IQCM: variants seen among roughly 807,000 people sequenced by gnomAD.
IQCM encodes the protein IQ motif containing M.
IQCM carries 45 observed loss-of-function variants against 57.6 expected under a neutral mutation model. That is an observed-to-expected ratio of 0.78 (90% CI 0.62 to 1.00). IQCM has a LOEUF of 1.00. IQCM is among the 50% of genes least tolerant of loss of function. The pLI, the probability that IQCM is intolerant of heterozygous loss-of-function variation, is 0.00. For synonymous variants in IQCM, 148 were observed against 158.9 expected (o/e 0.93, Z 0.51); for missense variants, 468 against 511.6 (o/e 0.91, Z 0.82).
In IQCM at chr4:149,746,617, T is replaced by A. The variant is rs147912208; in HGVS notation, c.-48-3878A>T. 2.0e-5 allele frequency among the ~76,000 whole-genome samples: 3 copies of A among 152,330 alleles called. No individual in the cohort carries two copies. The East Asian group carries it at 5.8e-4, about 29-fold the overall frequency. ...GAGTATATATGGGTGATAAGCATAG[T>A]ACTGCCATTCCACAACTCCACACAG... is the stretch of plus-strand genomic sequence containing the variant. On this transcript the variant is annotated intron_variant, in intron 2 of 13. Coordinates refer to ENST00000636793, the MANE Select transcript of IQCM (RefSeq NM_001363507.2).
chr4:149,592,065 C>T (rs1273643030), intron 8 of IQCM, among the ~76,000 whole-genome samples: 3 of 152,262 alleles, frequency 2.0e-5, no homozygotes, highest in African/African-American at 4.8e-5. Flanking sequence ...GTTTACAGTC[C>T]CACCAACAGT....
intron 2 of IQCM, among the ~76,000 whole-genome samples, chr4:149,761,689 C>G (rs1180246548): frequency 1.3e-5 from 2 of 152,068 alleles, no homozygotes; most frequent in Non-Finnish European, 2.9e-5. Flanking sequence ...TAATATCCCT[C>G]ATAGTTCCTA....
chr4:149,476,223 CA>C (rs1740171914), intron 12 of IQCM, among the ~76,000 whole-genome samples: 1 of 152,046 alleles, frequency 6.6e-6, no homozygotes, highest in South Asian at 2.1e-4. Flanking sequence ...AAGAGAAAGG[CA>C]GGGCACTGGA....
intron 12 of IQCM, among the ~76,000 whole-genome samples, chr4:149,482,001 G>A (rs1001110214): frequency 6.6e-6 from 1 of 151,088 alleles, no homozygotes; most frequent in African/African-American, 2.4e-5. Flanking sequence ...TTACTTCTCT[G>A]GTTAAATTAA....
intron 7 of IQCM, among the ~76,000 whole-genome samples, chr4:149,669,350 G>C (rs971494976): frequency 1.3e-5 from 2 of 152,062 alleles, no homozygotes; most frequent in African/African-American, 4.8e-5. Context: ...AAATTTGTTT[G>C]AGTTCTTTGT....
chr4:149,417,048 A>C (rs1276117708), intron 13 of IQCM, among the ~76,000 whole-genome samples: 2 of 152,164 alleles, frequency 1.3e-5, no homozygotes, highest in Non-Finnish European at 2.9e-5. Context: ...TAAGACTCTC[A>C]TATGGTTTCC....
At chr4:149,510,457 A>AT (rs1744290445) in intron 12 of IQCM, among the ~76,000 whole-genome samples, 1 of 152,136 alleles carries the variant, frequency 6.6e-6, no homozygotes, top group African/African-American at 2.4e-5. Context: ...TACAATAAAC[A>AT]TTTTTTATTT....
chr4:149,788,244 G>A (rs1189467965), intron 2 of IQCM, among the ~76,000 whole-genome samples: 1 of 152,192 alleles, frequency 6.6e-6, no homozygotes, highest in African/African-American at 2.4e-5. Context: ...TAAGGCAGGA[G>A]GATCGCTTGA....
chr4:149,648,176 C>G (rs906724829), intron 7 of IQCM, among the ~76,000 whole-genome samples: 1 of 152,240 alleles, frequency 6.6e-6, no homozygotes, highest in Non-Finnish European at 1.5e-5. Context: ...CTAATCTTAT[C>G]ATTCCAATAT....
At chr4:149,594,051 C>A (rs1753506362) in intron 8 of IQCM, among the ~76,000 whole-genome samples, 1 of 152,090 alleles carries the variant, frequency 6.6e-6, no homozygotes. Context: ...CCTCCTTGTA[C>A]CTCTGGTAGA....
At chr4:149,422,938 A>T (rs561319087) in intron 13 of IQCM, among the ~76,000 whole-genome samples, 1 of 152,108 alleles carries the variant, frequency 6.6e-6, no homozygotes, top group East Asian at 1.9e-4. Context: ...AATTTTACAA[A>T]TTTTTTGCAA....
At chr4:149,732,362 C>T (rs1766536719) in intron 5 of IQCM, among the ~76,000 whole-genome samples, 1 of 152,138 alleles carries the variant, frequency 6.6e-6, no homozygotes, top group Non-Finnish European at 1.5e-5. Flanking sequence ...CCTGAAAACC[C>T]AGTTCTAAAG....
In IQCM at chr4:149,461,716, A is replaced by G. The variant is rs941623292; in HGVS notation, c.1229-28159T>C. Among the ~76,000 whole-genome samples the G allele has an allele frequency of 3.2e-4, 48 of 151,530 alleles. 1 individual carries two copies. Among genetic ancestry groups the G allele is most frequent in the Non-Finnish European group, 1.5e-5 (1 of 67,904 alleles). On this transcript the variant is annotated intron_variant, in intron 12 of 13. Transcript: ENST00000636793. ...AGAACATGAAAAAAAATCACCTTTG[A>G]TTGTCTTTTCAATATTGAAATTAAT...
chr4:149,396,495 C>T (rs1174481155), intron 13 of IQCM, among the ~76,000 whole-genome samples: 2 of 151,808 alleles, frequency 1.3e-5, no homozygotes, highest in Admixed American at 1.3e-4. Context: ...GTTTTGTTTG[C>T]TTAATATTGT....
chr4:149,643,301 G>A (rs1758362607), intron 7 of IQCM, among the ~76,000 whole-genome samples: 1 of 152,166 alleles, frequency 6.6e-6, no homozygotes, highest in African/African-American at 2.4e-5. Flanking sequence ...AGATGAACAA[G>A]AAGAAGCCCC....
intron 12 of IQCM, among the ~76,000 whole-genome samples, chr4:149,453,402 C>T (rs2111421801): frequency 6.6e-6 from 1 of 151,746 alleles, no homozygotes; most frequent in South Asian, 2.1e-4. Flanking sequence ...AAAAAACAGG[C>T]TTCAAAGGAA....
chr4:149,458,213 C>T (rs11945050), intron 12 of IQCM, among the ~76,000 whole-genome samples: 3,498 of 152,094 alleles, frequency 0.023, 119 homozygotes, highest in African/African-American at 0.079. Context: ...ATTTAAATTA[C>T]ATTAGCCACC....
intron 2 of IQCM, among the ~76,000 whole-genome samples, chr4:149,767,984 C>T (rs1306196028): frequency 6.6e-6 from 1 of 151,824 alleles, no homozygotes; most frequent in Non-Finnish European, 1.5e-5. Flanking sequence ...ACATAGCTGG[C>T]CTAATTTTAG....
chr4:149,740,421 T>C (rs1277937411), intron 3 of IQCM, among the ~76,000 whole-genome samples: 1 of 152,064 alleles, frequency 6.6e-6, no homozygotes, highest in Non-Finnish European at 1.5e-5. Flanking sequence ...CTAGAAAAAA[T>C]GTGTAAATAA....
Sources: allele counts gnomAD v4.1 joint callset (sites outside exome capture counted in the v4.1 genomes callset), GRCh38; gene constraint gnomAD v4.1.1; transcripts MANE v1.5; gene names NCBI Gene and HGNC (gene_info 2026-07-23, HGNC 2026-07-21).